The following PSMA1 variants were observed in gnomAD, a reference collection of about 807,000 sequenced individuals.
The protein encoded by PSMA1 is proteasome subunit alpha type-1.
A neutral mutation model predicts 38.4 loss-of-function variants in PSMA1; 3 were observed. The ratio of observed to expected loss-of-function variants is 0.08; its 90% CI spans 0.04 to 0.20. The LOEUF is 0.20. PSMA1 is among the 10% of genes least tolerant of loss of function. The pLI, the probability that PSMA1 is intolerant of heterozygous loss-of-function variation, is 1.00. For missense variants in PSMA1, 227 were observed against 325.3 expected (o/e 0.70, Z 2.32); for synonymous variants, 101 against 107.1 (o/e 0.94, Z 0.35).
chr11:14,537,711 CTTTTTT>C (rs368892641), intron 2 of PSMA1, among the ~76,000 whole-genome samples: 2 of 138,392 alleles, frequency 1.4e-5, no homozygotes, highest in Non-Finnish European at 3.1e-5. Context: ...TAAAATTACC[CTTTTTT>C]TTTTTTTTTT....
At chr11:14,637,851 A>C (rs1853129937) in intron 1 of PSMA1, among the ~76,000 whole-genome samples, 1 of 152,242 alleles carries the variant, frequency 6.6e-6, no homozygotes. Context: ...GTTGAATAAA[A>C]TAATATTGAA....
At chr11:14,613,863 AT>A (rs1852737697) in intron 1 of PSMA1, among the ~76,000 whole-genome samples, 1 of 152,200 alleles carries the variant, frequency 6.6e-6, no homozygotes, top group African/African-American at 2.4e-5. Flanking sequence ...AATTCTCTTG[AT>A]TACAGTTTTT....
At chr11:14,578,527 C>T (rs943711025) in intron 2 of PSMA1, among the ~76,000 whole-genome samples, 1 of 152,194 alleles carries the variant, frequency 6.6e-6, no homozygotes, top group African/African-American at 2.4e-5. Context: ...GGGAATAGCT[C>T]AGGGCAGCAG....
At chr11:14,544,886 C>A (rs1565041351) in intron 2 of PSMA1, among the ~76,000 whole-genome samples, 2 of 152,170 alleles carry the variant, frequency 1.3e-5, no homozygotes, top group South Asian at 2.1e-4. Context: ...CATGAATGTT[C>A]ATAGCAGCAT....
chr11:14,638,529 CTCTCTCTCTCTCTCTCTATATATA>C (rs1194973490), intron 1 of PSMA1, among the ~76,000 whole-genome samples: 11 of 26,632 alleles, frequency 4.1e-4, no homozygotes, highest in African/African-American at 8.0e-4. Context: ...CTCTCTCTCT[CTCTCTCTCTCTCTCTCTATATATA>C]TATATATATA....
intron 4 of PSMA1, 68 bp downstream of exon 4, chr11:14,517,574 G>T: frequency 8.0e-7 from 1 of 1,251,026 alleles, no homozygotes; most frequent in Non-Finnish European, 1.1e-6. Context: ...TACCTTATCT[G>T]GATCTTTTTG....
At chr11:14,599,508 C>T (rs552695237) in intron 2 of PSMA1, among the ~76,000 whole-genome samples, 1 of 151,946 alleles carries the variant, frequency 6.6e-6, no homozygotes, top group East Asian at 1.9e-4. Context: ...TAACTGATAC[C>T]CTTTCTTCCA....
chr11:14,523,744 C>A (rs950444599), upstream of PSMA1, among the ~76,000 whole-genome samples: 1 of 151,754 alleles, frequency 6.6e-6, no homozygotes, highest in East Asian at 1.9e-4. Context: ...CCCCCATGCC[C>A]AGATAATTTT....
chr11:14,536,264 C>T (rs929889650), intron 2 of PSMA1, among the ~76,000 whole-genome samples: 2 of 152,152 alleles, frequency 1.3e-5, no homozygotes, highest in Admixed American at 6.5e-5. Context: ...AGGTGGCTCA[C>T]GCCTGTAATC....
intron 2 of PSMA1, 138 bp from the exon 3 acceptor site, chr11:14,518,119 G>C: frequency 1.8e-6 from 1 of 567,054 alleles, no homozygotes. Flanking sequence ...TTTTTTTTTT[G>C]AGACAGGTTC....
chr11:14,519,861 A>G, intron 1 of PSMA1: 1 of 179,432 alleles, frequency 5.6e-6, no homozygotes, highest in Non-Finnish European at 1.2e-5. Context: ...AGAGATAAAT[A>G]GACGGACCCA....
At chr11:14,633,587 TTTTG>T (rs1157751040) in intron 1 of PSMA1, among the ~76,000 whole-genome samples, 4 of 152,152 alleles carry the variant, frequency 2.6e-5, no homozygotes, top group Non-Finnish European at 4.4e-5. Context: ...CCTGCTGTCT[TTTTG>T]TTTGTCTGTG....
chr11:14,590,811 T>C (rs1411218941), intron 2 of PSMA1, among the ~76,000 whole-genome samples: 1 of 152,192 alleles, frequency 6.6e-6, no homozygotes, highest in Non-Finnish European at 1.5e-5. Context: ...GACGAGGCCA[T>C]ACTTCACATC....
intron 1 of PSMA1, among the ~76,000 whole-genome samples, chr11:14,623,856 T>C (rs1852880945): frequency 6.6e-6 from 1 of 152,192 alleles, no homozygotes; most frequent in African/African-American, 2.4e-5. Context: ...AATGCTGTTA[T>C]ATCACTATTT....
chr11:14,612,791 G>A (rs906899611), intron 1 of PSMA1, among the ~76,000 whole-genome samples: 11 of 152,068 alleles, frequency 7.2e-5, no homozygotes, highest in African/African-American at 2.7e-4. Flanking sequence ...TATGATCTGT[G>A]GGTGACTGGG....
intron 2 of PSMA1, among the ~76,000 whole-genome samples, chr11:14,535,292 TA>T (rs1440224128): frequency 2.6e-5 from 4 of 151,928 alleles, no homozygotes; most frequent in Non-Finnish European, 2.9e-5. Flanking sequence ...AGTGTGTGAC[TA>T]AAAGAGAGGC....
At chr11:14,536,296 G>C (rs1423078143) in intron 2 of PSMA1, among the ~76,000 whole-genome samples, 1 of 152,110 alleles carries the variant, frequency 6.6e-6, no homozygotes, top group Non-Finnish European at 1.5e-5. Flanking sequence ...GGAGGCCGAG[G>C]GGGGCGGATC....
intron 2 of PSMA1, among the ~76,000 whole-genome samples, chr11:14,543,255 C>T (rs1366992408): frequency 1.3e-5 from 2 of 152,188 alleles, no homozygotes; most frequent in East Asian, 3.8e-4. Flanking sequence ...TCCAGCTACT[C>T]TGGAGGCTGA....
intron 7 of PSMA1, 56 bp downstream of exon 7, chr11:14,513,514 T>C: frequency 7.5e-7 from 1 of 1,340,252 alleles, no homozygotes; most frequent in East Asian, 2.8e-5. Flanking sequence ...GTTTATTTAC[T>C]ATATAGACTG....
Sources: gnomAD v4.1 joint callset for allele counts (sites outside exome capture counted in the v4.1 genomes callset) on GRCh38, gnomAD v4.1.1 for gene constraint, MANE v1.5 for transcripts, NCBI Gene and HGNC (gene_info 2026-07-23, HGNC 2026-07-21) for gene names.